GCSH: variants seen among roughly 807,000 people sequenced by gnomAD.
GCSH encodes the protein glycine cleavage system H protein, mitochondrial.
GCSH carries 15 observed loss-of-function variants against 21.3 expected under a neutral mutation model. That is an observed-to-expected ratio of 0.70 (90% CI 0.47 to 1.08). The LOEUF is 1.08. Among genes scored for constraint, GCSH ranks in the 50% least tolerant of loss-of-function variants. The pLI is 0.00. For synonymous variants in GCSH, 59 were observed against 84.5 expected, an observed-to-expected ratio of 0.70 and a Z score of 1.66; for missense variants, 179 against 217.5, an observed-to-expected ratio of 0.82 and a Z score of 1.11.
Position 81,096,233 on chromosome 16 carries a change from G to C in GCSH, c.46C>G (p.Leu16Val). 7.6e-7 allele frequency: 1 copy of C among 1,317,732 alleles called. No homozygotes were observed. The highest frequency in any genetic ancestry group is 9.6e-7 in the Non-Finnish European group (1 of 1,038,476). 81.6% of individuals were successfully genotyped at this position (1,317,732 alleles called of 1,614,324 possible). Residue 16 changes from leucine to valine, a missense_variant, in exon 1 of 5, where the codon CTG (leucine) becomes GTG (valine). Transcript: ENST00000315467. Reference sequence around the variant, plus strand: ...GCGGCGGGTGACGGGACCGCGCGCAGGGTGCAGAGCAGGGCCCGCACGCTC... The same window carrying C: ...GCGGCGGGTGACGGGACCGCGCGCACGGTGCAGAGCAGGGCCCGCACGCTC... ...VRSVRALLCT[L>V]RAVPSPAAPC...
At chr16:81,093,922 GAC>G (rs1351350446) in intron 1 of GCSH, among the ~76,000 whole-genome samples, 3 of 151,986 alleles carry the variant, frequency 2.0e-5, no homozygotes, top group African/African-American at 7.2e-5. Flanking sequence ...CTTTTTTTGA[GAC>G]AGAGTCTCAC....
intron 2 of GCSH, among the ~76,000 whole-genome samples, chr16:81,089,380 G>A (rs191743208): frequency 6.6e-6 from 1 of 152,214 alleles, no homozygotes; most frequent in Non-Finnish European, 1.5e-5. Context: ...AGTATTTCAG[G>A]GATTAGAGAT....
In GCSH at chr16:81,090,614, C is replaced by T. The variant is rs1597168448; in HGVS notation, c.215G>A (p.Ser72Asn). ...ATAATCCAATACCTGTGCAAAATTG[C>T]TGATTCCCACTGTTCCAATGCCATT... ...TENGIGTVGI[S>N]NFAQEALGDV... Residue 72 changes from serine to asparagine, a missense_variant, in exon 2 of 5, where the codon AGC (serine) becomes AAC (asparagine). By Grantham distance (46) the Ser-to-Asn change is conservative. Coordinates refer to ENST00000315467, the MANE Select transcript of GCSH (RefSeq NM_004483.5). 2 of 1,604,798 alleles carry T rather than the reference C, an allele frequency of 1.2e-6. No individual in the cohort carries two copies. The highest frequency in any genetic ancestry group is 4.5e-5 in the East Asian group (2 of 44,842).
intron 4 of GCSH, chr16:81,084,082 C>A: frequency 3.1e-6 from 1 of 324,696 alleles, no homozygotes; most frequent in Non-Finnish European, 5.7e-6. Context: ...CAGGTTCAAG[C>A]AATTCTCCCA....
At chr16:81,093,045 T>C (rs1011599989) in intron 1 of GCSH, among the ~76,000 whole-genome samples, 1 of 150,740 alleles carries the variant, frequency 6.6e-6, no homozygotes, top group Non-Finnish European at 1.5e-5. Context: ...GGCAGGAGAA[T>C]CACTTGAACC....
chr16:81,087,525 A>G, intron 3 of GCSH, 76 bp downstream of exon 3: 1 of 1,041,244 alleles, frequency 9.6e-7, no homozygotes, highest in Non-Finnish European at 1.5e-6. Context: ...TAATTAATCC[A>G]GGGTACAAAC....
At chr16:81,095,699 G>T (rs920872953) in intron 1 of GCSH, among the ~76,000 whole-genome samples, 10 of 151,932 alleles carry the variant, frequency 6.6e-5, no homozygotes, top group African/African-American at 2.4e-4. Context: ...ATTTTACTTC[G>T]GAGTTCTCAG....
intron 1 of GCSH, among the ~76,000 whole-genome samples, chr16:81,093,202 T>A (rs370752370): frequency 6.6e-6 from 1 of 152,040 alleles, no homozygotes; most frequent in African/African-American, 2.4e-5. Flanking sequence ...ATAGATAGTA[T>A]ATAGTTATTT....
At chr16:81,089,990 C>T (rs901608681) in intron 2 of GCSH, among the ~76,000 whole-genome samples, 16 of 152,170 alleles carry the variant, frequency 1.1e-4, no homozygotes, top group African/African-American at 3.9e-4. Flanking sequence ...ATGTTTCCTA[C>T]TTTCAGTGTT....
At chr16:81,084,214 A>G in intron 4 of GCSH, 1 of 590,034 alleles carries the variant, frequency 1.7e-6, no homozygotes. Context: ...CCTGGACTAA[A>G]GCAATCCACC....
intron 4 of GCSH, chr16:81,084,184 G>T (rs1972224615): frequency 5.4e-6 from 3 of 553,182 alleles, no homozygotes; most frequent in Non-Finnish European, 9.6e-6. Flanking sequence ...TCACCATGTT[G>T]CCCAGGCTGG....
At chr16:81,085,823 G>A (rs1337564714) in intron 3 of GCSH, among the ~76,000 whole-genome samples, 2 of 152,108 alleles carry the variant, frequency 1.3e-5, no homozygotes, top group Non-Finnish European at 2.9e-5. Flanking sequence ...CCATGCCATT[G>A]CAGTCCAGCC....
rs1029297241 is a variant in GCSH at position 81,096,357 on chromosome 16, G to C, written c.-79C>G. The C allele has an allele frequency of 1.8e-5, 20 of 1,128,606 alleles. 1 individual carries two copies. In the African/African-American group the frequency reaches 2.3e-4, roughly 13 times the overall value. 69.9% of individuals were successfully genotyped at this position (1,128,606 alleles called of 1,614,324 possible). On this transcript the variant is annotated 5_prime_UTR_variant, in exon 1 of 5. Coordinates refer to ENST00000315467, the MANE Select transcript of GCSH (RefSeq NM_004483.5). ...GGCGGGGCGGGGAGGGGCAGTTCGC[G>C]GCCGGAGGGAGCCGGCTGGATGGAG... is the stretch of plus-strand genomic sequence containing the variant.
Position 81,082,076 on chromosome 16 carries a change from C to T in GCSH, c.*790G>A. ...AAACTTCCACCTTCCTCTGTCTTTCCTCTTCTTTCTTCAGACCTCGCATGA... is the reference window on the plus strand; with the variant it reads ...AAACTTCCACCTTCCTCTGTCTTTCTTCTTCTTTCTTCAGACCTCGCATGA... On this transcript the variant is annotated 3_prime_UTR_variant, in exon 5 of 5. Transcript: ENST00000315467. The T allele has an allele frequency of 4.4e-6, 2 of 454,084 alleles. No homozygotes were observed. Among genetic ancestry groups the T allele is most frequent in the Non-Finnish European group, 8.8e-6 (2 of 226,792 alleles). The allele number at this position is 454,084 out of a possible 1,614,324, so 28.1% of individuals were successfully genotyped here.
At chr16:81,084,856 C>T (rs35161190) in intron 3 of GCSH, among the ~76,000 whole-genome samples, 4,154 of 151,554 alleles carry the variant, frequency 0.027, 104 homozygotes, top group African/African-American at 0.067. Context: ...GGACTACAGG[C>T]GCCCACCTGC....
In GCSH at chr16:81,084,662, G is replaced by A. The variant is rs182076283; in HGVS notation, c.293-68C>T. The A allele has an allele frequency of 1.5e-3, 1,751 of 1,144,570 alleles. 24 individuals are homozygous for A. The African/African-American group carries it at 0.024, about 16-fold the overall frequency. 70.9% of individuals were successfully genotyped at this position (1,144,570 alleles called of 1,614,324 possible). On this transcript the variant is annotated intron_variant, in intron 3 of 4. Transcript: ENST00000315467. ...TCAGTTACTTGAAAACATAAAATACGAAAAAGTAGATTCCTGTCATACAGC... is the reference window on the plus strand; with the variant it reads ...TCAGTTACTTGAAAACATAAAATACAAAAAAGTAGATTCCTGTCATACAGC...
chr16:81,089,656 C>T (rs1972357879), intron 2 of GCSH, among the ~76,000 whole-genome samples: 1 of 152,162 alleles, frequency 6.6e-6, no homozygotes, highest in South Asian at 2.1e-4. Context: ...CGAGTGCATT[C>T]CCATCAGTTA....
intron 4 of GCSH, chr16:81,084,124 C>G (rs917451849): frequency 1.2e-5 from 5 of 418,888 alleles, no homozygotes; most frequent in African/African-American, 2.0e-5. Context: ...AGACTACAGG[C>G]ACATTCCACC....
chr16:81,083,381 G>A (rs1006816399), intron 4 of GCSH: 3 of 217,120 alleles, frequency 1.4e-5, no homozygotes, highest in Non-Finnish European at 2.8e-5. Flanking sequence ...AGCTGGGCGT[G>A]GTGGCAGTTG....
Sources: allele counts gnomAD v4.1 joint callset (sites outside exome capture counted in the v4.1 genomes callset), GRCh38; gene constraint gnomAD v4.1.1; transcripts MANE v1.5; gene names NCBI Gene and HGNC (gene_info 2026-07-23, HGNC 2026-07-21).